The following RFX1 variants were observed in gnomAD, a reference collection of about 807,000 sequenced individuals.
RFX1 encodes the protein MHC class II regulatory factor RFX1.
A neutral mutation model predicts 119.6 loss-of-function variants in RFX1; 42 were observed. The ratio of observed to expected loss-of-function variants is 0.35; its 90% confidence interval spans 0.27 to 0.45. RFX1 has a LOEUF of 0.45. RFX1 is among the 20% of genes least tolerant of loss of function. The pLI, the probability that RFX1 is intolerant of heterozygous loss-of-function variation, is 1.00. For missense variants in RFX1, 1,118 were observed against 1,368.1 expected, an observed-to-expected ratio of 0.82 and a Z score of 2.88; for synonymous variants, 628 against 618.5, an observed-to-expected ratio of 1.02 and a Z score of -0.23.
At chr19:13,982,736 G>A (rs891771171) in intron 4 of RFX1, among the ~76,000 whole-genome samples, 4 of 152,268 alleles carry the variant, frequency 2.6e-5, no homozygotes, top group East Asian at 1.9e-4. Flanking sequence ...CCTGGGAGGC[G>A]GAGGTTGCAG....
At chr19:13,971,878 C>T (rs978503316) in intron 9 of RFX1, among the ~76,000 whole-genome samples, 1 of 152,064 alleles carries the variant, frequency 6.6e-6, no homozygotes, top group East Asian at 1.9e-4. Flanking sequence ...CGTGGTGGCA[C>T]GCCTATAGTC....
At position 13,993,856 on chromosome 19, in the gene RFX1, GA is replaced by G; in HGVS notation, c.-14del. ...CCTGTGTTGCCATGCCAACGGTGGG[GA>G]AAATGATAATAAATAAGGCTTTTTT... On this transcript the variant is annotated 5_prime_UTR_variant, in exon 2 of 21. Coordinates refer to ENST00000254325, the MANE Select transcript of RFX1 (RefSeq NM_002918.5). The G allele has an allele frequency of 1.3e-6, 2 of 1,526,366 alleles. No individual in the cohort carries two copies. Among genetic ancestry groups the G allele is most frequent in the Non-Finnish European group, 1.8e-6 (2 of 1,142,138 alleles). The allele number at this position is 1,526,366 out of a possible 1,614,324, so 94.6% of individuals were successfully genotyped here. A position where few individuals can be genotyped will look rare whatever the true frequency, so the allele number is the denominator to read the frequency against.
At chr19:14,004,668 G>A (rs903878037) in intron 1 of RFX1, among the ~76,000 whole-genome samples, 3 of 152,070 alleles carry the variant, frequency 2.0e-5, no homozygotes, top group African/African-American at 7.2e-5. Flanking sequence ...GTTAGGACCC[G>A]CCAACCCCCA....
chr19:13,970,125 T>C lies in RFX1; in HGVS notation c.1365A>G (p.Pro455=). The C allele has an allele frequency of 6.2e-7, 1 of 1,613,848 alleles. No homozygotes were observed. Residue 455 remains proline, a synonymous_variant, in exon 10 of 21, where the codon CCA becomes CCG. Coordinates refer to ENST00000254325, the MANE Select transcript of RFX1 (RefSeq NM_002918.5). ...NYETAEGVSL[P]RSTLYCHYLL... ...AGTAGTGGCAGTAGAGGGTGCTCCGTGGCAGACTCACGCCCTCAGCCGTCT... is the reference window on the plus strand; with the variant it reads ...AGTAGTGGCAGTAGAGGGTGCTCCGCGGCAGACTCACGCCCTCAGCCGTCT...
rs1974617707 is a variant in RFX1, at chr19:13,986,939, A to T, written c.320-3344T>A. 6.6e-6 allele frequency among the ~76,000 whole-genome samples: 1 copy of T among 152,088 alleles called. No individual in the cohort carries two copies. Among genetic ancestry groups the T allele is most frequent in the Non-Finnish European group, 1.5e-5 (1 of 68,002 alleles). On this transcript the variant is annotated intron_variant, in intron 2 of 20. Coordinates refer to ENST00000254325, the MANE Select transcript of RFX1 (RefSeq NM_002918.5). This position sits in a 1 kb window ranked among gnomAD's most constrained non-coding sequence, Gnocchi z 4.2. ...TCCTGCCCCTGGGCTCCCTGGGATG[A>T]TGTCAGTCAGGGGCTCCTGGAGGGG...
chr19:13,995,603 C>T (rs1258440633), intron 1 of RFX1, among the ~76,000 whole-genome samples: 1 of 152,158 alleles, frequency 6.6e-6, no homozygotes, highest in Non-Finnish European at 1.5e-5. Flanking sequence ...GTAATCCCAA[C>T]ACTTTGGGAG....
Position 13,980,737 on chromosome 19 carries a change from C to CTCTCTGGGGTGGGCTCGCATCA in RFX1, c.622-49_622-48insTGATGCGAGCCCACCCCAGAGA. 7.2e-7 allele frequency: 1 copy of CTCTCTGGGGTGGGCTCGCATCA among 1,398,182 alleles called. No individual in the cohort carries two copies. Among genetic ancestry groups the CTCTCTGGGGTGGGCTCGCATCA allele is most frequent in the Non-Finnish European group, 9.9e-7 (1 of 1,008,292 alleles). The allele number at this position is 1,398,182 out of a possible 1,614,324, so 86.6% of individuals were successfully genotyped here. A position where few individuals can be genotyped will look rare whatever the true frequency, so the allele number is the denominator to read the frequency against. On this transcript the variant is annotated intron_variant, in intron 5 of 20. Coordinates refer to ENST00000254325, the MANE Select transcript of RFX1 (RefSeq NM_002918.5). This position sits in a 1 kb window ranked among gnomAD's most constrained non-coding sequence, Gnocchi z 5.1. Reference sequence around the variant, plus strand: ...AGTGCCGCTGGGGTGGGCTTGCATCCTCTCTGAGGTGGGCTCACACACACA... The same window carrying CTCTCTGGGGTGGGCTCGCATCA: ...AGTGCCGCTGGGGTGGGCTTGCATCCTCTCTGGGGTGGGCTCGCATCATCTCTGAGGTGGGCTCACACACACA...
intron 2 of RFX1, among the ~76,000 whole-genome samples, chr19:13,992,568 A>T (rs1974841819): frequency 6.6e-6 from 1 of 152,200 alleles, no homozygotes; most frequent in Non-Finnish European, 1.5e-5. Context: ...CTGCTCTAGG[A>T]AGGGGAGGTG....
At chr19:13,971,805 C>A (rs1326873371) in intron 9 of RFX1, among the ~76,000 whole-genome samples, 1 of 151,898 alleles carries the variant, frequency 6.6e-6, no homozygotes, top group Non-Finnish European at 1.5e-5. Context: ...GTCAGGAAAT[C>A]GAGACCATCC....
intron 9 of RFX1, among the ~76,000 whole-genome samples, chr19:13,971,997 T>C (rs1974097142): frequency 6.6e-6 from 1 of 151,888 alleles, no homozygotes; most frequent in Non-Finnish European, 1.5e-5. Context: ...AGAGCAAGAC[T>C]CCGTCTTAAA....
chr19:13,973,273 T>C, intron 8 of RFX1, 146 bp from the exon 9 acceptor site: 1 of 651,430 alleles, frequency 1.5e-6, no homozygotes, highest in Non-Finnish European at 2.7e-6. Flanking sequence ...AGCATTCATC[T>C]ACAACGGACT....
At chr19:13,982,099 G>A (rs3816553) in intron 5 of RFX1, 22 bp downstream of exon 5, 171,440 of 1,232,400 alleles carry the variant, frequency 0.14, 12,593 homozygotes, top group Middle Eastern at 0.21. Flanking sequence ...GGGGGAGGGC[G>A]GCCAACAGGA....
Position 13,965,713 on chromosome 19 carries a change from C to G in RFX1, c.2026G>C (p.Val676Leu). 2.5e-6 allele frequency: 4 copies of G among 1,613,906 alleles called. No homozygotes were observed. Among genetic ancestry groups the G allele is most frequent in the Non-Finnish European group, 3.4e-6 (4 of 1,179,984 alleles). Reference sequence around the variant, plus strand: ...TCACAGTGCTTGGTCCATTGGAGCACGGGCTCGAACTTGGAGAGGAGCACC... The same window carrying G: ...TCACAGTGCTTGGTCCATTGGAGCAGGGGCTCGAACTTGGAGAGGAGCACC... ...ILVLLSKFEP[V>L]LQWTKHCDNV... Residue 676 changes from valine to leucine, a missense_variant, in exon 15 of 21, where the codon GTG becomes CTG. This residue lies in a region of RFX1 where 338 missense variants were observed against 508.9 expected (regional missense o/e 0.66). Transcript: ENST00000254325. The surrounding 1 kb of genome is among the most constrained non-coding windows in gnomAD (Gnocchi z 4.7).
intron 8 of RFX1, among the ~76,000 whole-genome samples, chr19:13,976,114 T>G (rs1291899447): frequency 6.6e-6 from 1 of 152,030 alleles, no homozygotes. Context: ...AACCACACAG[T>G]GAAAAGATTA....
chr19:13,967,891 G>T (rs553684018), intron 12 of RFX1, among the ~76,000 whole-genome samples: 3 of 152,290 alleles, frequency 2.0e-5, no homozygotes, highest in African/African-American at 7.2e-5. Context: ...GGCCTCACAG[G>T]ACTCATGAGA....
Position 13,962,609 on chromosome 19 carries a change from G to A in RFX1, c.*86C>T, listed in dbSNP as rs979135106. 5 of 1,164,688 alleles carry A rather than the reference G, an allele frequency of 4.3e-6. No homozygotes were observed. The highest frequency in any genetic ancestry group is 3.2e-5 in the African/African-American group (2 of 61,948). The allele number at this position is 1,164,688 out of a possible 1,614,324, so 72.1% of individuals were successfully genotyped here. Reference sequence around the variant, plus strand: ...CCCCTCCCTGCCCTGGCTGAGGCTGGAGCAGTGACCACGAAGCCACAGAAG... The same window carrying A: ...CCCCTCCCTGCCCTGGCTGAGGCTGAAGCAGTGACCACGAAGCCACAGAAG... On this transcript the variant is annotated 3_prime_UTR_variant, in exon 21 of 21. Transcript: ENST00000254325.
intron 9 of RFX1, among the ~76,000 whole-genome samples, chr19:13,971,337 C>T (rs1052912743): frequency 5.3e-5 from 8 of 150,650 alleles, no homozygotes; most frequent in African/African-American, 2.0e-4. Context: ...ACTCCATCTC[C>T]AAAAAAGAAA....
chr19:13,977,786 T>A (rs1354169941), intron 8 of RFX1, among the ~76,000 whole-genome samples: 1 of 151,542 alleles, frequency 6.6e-6, no homozygotes, highest in African/African-American at 2.4e-5. Context: ...CCGGGGTGCC[T>A]TTCCCAACCT....
At chr19:14,004,777 G>A (rs1975317587) in intron 1 of RFX1, among the ~76,000 whole-genome samples, 2 of 151,992 alleles carry the variant, frequency 1.3e-5, no homozygotes, top group South Asian at 4.1e-4. Flanking sequence ...TTTGCACACC[G>A]ACACTAAGCT....
Sources: allele counts gnomAD v4.1 joint callset (sites outside exome capture counted in the v4.1 genomes callset), GRCh38; gene constraint gnomAD v4.1.1; regional missense constraint gnomAD v4.1.1; non-coding constraint Gnocchi (gnomAD v3.1); transcripts MANE v1.5; gene names NCBI Gene and HGNC (gene_info 2026-07-23, HGNC 2026-07-21).